Variants in FAM120B observed in about 807,000 individuals in gnomAD.
FAM120B encodes the protein family with sequence similarity 120 member B.
In FAM120B, 83 loss-of-function variants were observed where a neutral mutation model predicts 96.3. That is an observed-to-expected ratio of 0.86 (90% CI 0.72 to 1.03). The LOEUF (loss-of-function observed/expected upper bound fraction) is 1.03, where lower values mean the gene tolerates loss of function less well. FAM120B is among the 50% of genes least tolerant of loss of function. The probability of loss-of-function intolerance (pLI) is 0.00; values close to 1 mark genes in which losing one functional copy is unlikely to be tolerated. For synonymous variants in FAM120B, 407 were observed against 402.7 expected (o/e 1.01, Z -0.13); for missense variants, 1,027 against 1,121.2 (o/e 0.92, Z 1.20).
chr6:170,295,290 C>T, upstream of FAM120B: 1 of 653,080 alleles, frequency 1.5e-6, no homozygotes, highest in South Asian at 1.6e-5. The surrounding 1 kb of genome is among the most constrained non-coding windows in gnomAD (Gnocchi z 7.8). Context: ...CCCAGCCACG[C>T]CCACCCAAGT....
chr6:170,387,517 TAG>T (rs1002028727), intron 6 of FAM120B, among the ~76,000 whole-genome samples: 1 of 152,080 alleles, frequency 6.6e-6, no homozygotes, highest in South Asian at 2.1e-4. Flanking sequence ...AGCCAGGAGG[TAG>T]AGAGTATCTC....
At chr6:170,304,124 A>G (rs1472376646), upstream of FAM120B, among the ~76,000 whole-genome samples, 1 of 152,236 alleles carries the variant, frequency 6.6e-6, no homozygotes, top group African/African-American at 2.4e-5. Flanking sequence ...GGAGAAGAAT[A>G]TCCTCCAGTA....
intron 9 of FAM120B, among the ~76,000 whole-genome samples, chr6:170,401,445 G>A (rs562651952): frequency 6.6e-6 from 1 of 152,260 alleles, no homozygotes; most frequent in Non-Finnish European, 1.5e-5. Flanking sequence ...GGACTGAGCT[G>A]GAGAAGGAGG....
intron 4 of FAM120B, among the ~76,000 whole-genome samples, chr6:170,332,085 C>T (rs963733152): frequency 6.6e-6 from 1 of 151,674 alleles, no homozygotes; most frequent in African/African-American, 2.4e-5. Flanking sequence ...ACACTCATTT[C>T]CACAGCTATT....
chr6:170,400,469 G>C (rs1285292773), intron 9 of FAM120B, among the ~76,000 whole-genome samples: 1 of 152,106 alleles, frequency 6.6e-6, no homozygotes, highest in Non-Finnish European at 1.5e-5. Flanking sequence ...GCGGCCTGCT[G>C]TGGTAGCTTC....
intron 4 of FAM120B, among the ~76,000 whole-genome samples, chr6:170,342,732 G>A (rs1432040713): frequency 6.6e-6 from 1 of 152,238 alleles, no homozygotes; most frequent in Non-Finnish European, 1.5e-5. Flanking sequence ...ACCAAATTGT[G>A]TACCGGGGTT....
chr6:170,359,087 A>G (rs968844231), intron 6 of FAM120B, among the ~76,000 whole-genome samples: 1 of 152,208 alleles, frequency 6.6e-6, no homozygotes, highest in African/African-American at 2.4e-5. Context: ...AGTTTCATTT[A>G]TAAATGGCTT....
At chr6:170,314,546 A>G (rs978274226) in intron 1 of FAM120B, among the ~76,000 whole-genome samples, 1 of 152,216 alleles carries the variant, frequency 6.6e-6, no homozygotes, top group Admixed American at 6.5e-5. Flanking sequence ...TACCTAGATA[A>G]TGAAAATTTC....
At chr6:170,398,463 G>C (rs916071003) in intron 9 of FAM120B, among the ~76,000 whole-genome samples, 1 of 151,918 alleles carries the variant, frequency 6.6e-6, no homozygotes, top group Non-Finnish European at 1.5e-5. Context: ...ATAAGCCTTA[G>C]GAGTGAGTGG....
intron 6 of FAM120B, among the ~76,000 whole-genome samples, chr6:170,378,549 G>T (rs1430383003): frequency 1.3e-5 from 2 of 152,246 alleles, no homozygotes; most frequent in East Asian, 3.8e-4. Context: ...TCTGTGAAGA[G>T]AATGGGTATC....
At chr6:170,346,318 A>G (rs1263364932) in intron 4 of FAM120B, among the ~76,000 whole-genome samples, 1 of 152,186 alleles carries the variant, frequency 6.6e-6, no homozygotes, top group East Asian at 1.9e-4. Flanking sequence ...TATTCACATT[A>G]AAAAAGGACT....
chr6:170,399,558 G>A (rs1222979003), intron 9 of FAM120B, among the ~76,000 whole-genome samples: 3 of 151,354 alleles, frequency 2.0e-5, no homozygotes, highest in African/African-American at 7.3e-5. Context: ...TTAGGAGTGA[G>A]TGAGAAAGGT....
Position 170,363,252 on chromosome 6 carries a change from A to G in FAM120B, c.2283+4934A>G, listed in dbSNP as rs1788576195. The stretch of plus-strand genomic sequence containing the variant: ...TTTTTCTAGTGCCTCATAGCTAATC[A>G]TTGGGAAGTTCTTGGTCATTTTTTG... On this transcript the variant is annotated intron_variant, in intron 6 of 10. Transcript: ENST00000476287. This position sits in a 1 kb window ranked among gnomAD's most constrained non-coding sequence, Gnocchi z 4.5. 6.6e-6 allele frequency among the ~76,000 whole-genome samples: 1 copy of G among 152,192 alleles called. No homozygotes were observed. The highest frequency in any genetic ancestry group is 1.5e-5 in the Non-Finnish European group (1 of 68,036).
rs1296971579 is a variant in FAM120B, at chr6:170,391,718, A to G, written c.2599+597A>G. Among the ~76,000 whole-genome samples the G allele has an allele frequency of 2.0e-5, 3 of 152,368 alleles. No individual in the cohort carries two copies. In the East Asian group the frequency reaches 5.8e-4, roughly 29 times the overall value. On this transcript the variant is annotated intron_variant, in intron 8 of 10. Transcript: ENST00000476287. ...TTAGGTAATGTTTGTTTATTTGACA[A>G]GAGTTTAGGTTTATTTTTTCTTATG...
chr6:170,305,011 T>C (rs1331748891), upstream of FAM120B, among the ~76,000 whole-genome samples: 1 of 152,118 alleles, frequency 6.6e-6, no homozygotes, highest in Non-Finnish European at 1.5e-5. Flanking sequence ...ATCTTCTCAC[T>C]GTATCCTCAC....
At chr6:170,381,994 G>T (rs77211426) in intron 6 of FAM120B, among the ~76,000 whole-genome samples, 6,566 of 152,156 alleles carry the variant, frequency 0.043, 334 homozygotes, top group African/African-American at 0.13. Context: ...ACATAGTGCT[G>T]GAAGTTCTGT....
upstream of FAM120B, chr6:170,291,130 C>T (rs868755202): frequency 1.6e-3 from 1,012 of 617,210 alleles, 4 homozygotes; most frequent in Middle Eastern, 6.5e-3. Context: ...CCCCGCCCCC[C>T]CAGTCCTCCC....
chr6:170,387,020 C>T (rs926511421), intron 6 of FAM120B, among the ~76,000 whole-genome samples: 1 of 152,154 alleles, frequency 6.6e-6, no homozygotes, highest in Non-Finnish European at 1.5e-5. Context: ...AATTCAGTAC[C>T]TGTTCATGGC....
intron 5 of FAM120B, among the ~76,000 whole-genome samples, chr6:170,355,295 A>G (rs1419991017): frequency 1.3e-5 from 2 of 152,256 alleles, no homozygotes; most frequent in Non-Finnish European, 2.9e-5. Flanking sequence ...TATTCACAAT[A>G]GCAAAGACAT....
Sources: gnomAD v4.1 joint callset for allele counts (sites outside exome capture counted in the v4.1 genomes callset) on GRCh38, gnomAD v4.1.1 for gene constraint, Gnocchi (gnomAD v3.1) non-coding constraint, MANE v1.5 for transcripts, NCBI Gene and HGNC (gene_info 2026-07-23, HGNC 2026-07-21) for gene names.